Variants in COL12A1 observed in about 807,000 individuals in gnomAD.
COL12A1 encodes collagen alpha-1(XII) chain.
COL12A1 carries 114 observed loss-of-function variants against 349.7 expected under a neutral mutation model. That is an observed-to-expected ratio of 0.33 (90% CI 0.28 to 0.38). The LOEUF (loss-of-function observed/expected upper bound fraction) is 0.38. COL12A1 is among the 10% of genes least tolerant of loss of function. The pLI, the probability that COL12A1 is intolerant of heterozygous loss-of-function variation, is 1.00. For missense variants in COL12A1, 3,284 were observed against 3,756.9 expected (o/e 0.87, Z 3.29); for synonymous variants, 1,369 against 1,329.0 (o/e 1.03, Z -0.66).
At chr6:75,154,203 T>C (rs986391945) in intron 17 of COL12A1, among the ~76,000 whole-genome samples, 7 of 151,898 alleles carry the variant, frequency 4.6e-5, no homozygotes, top group African/African-American at 1.7e-4. Flanking sequence ...TATGAAATAA[T>C]GCAATGCTGA....
intron 13 of COL12A1, among the ~76,000 whole-genome samples, chr6:75,174,285 C>T (rs534491024): frequency 5.3e-5 from 8 of 152,110 alleles, no homozygotes; most frequent in Non-Finnish European, 8.8e-5. Context: ...TGGCCAGGCG[C>T]GGTGGCTCAG....
chr6:75,159,436 T>C (rs535673586), intron 14 of COL12A1, among the ~76,000 whole-genome samples: 5 of 147,338 alleles, frequency 3.4e-5, no homozygotes, highest in African/African-American at 1.2e-4. Flanking sequence ...TATATTATTA[T>C]ATAAAAATAT....
Position 75,202,763 on chromosome 6 carries a change from G to C in COL12A1, c.30C>G (p.Ala10=). MRSRLPPAL[A]ALGAALLLSS... is the part of the protein sequence containing the mutation. ...ACAGGAGCAGGGCCGCGCCCAGGGC[G>C]GCAAGCGCTGGGGGAAGCCTACTCC... Residue 10 remains alanine (A), a synonymous_variant, in exon 2 of 66, where the codon GCC becomes GCG. Coordinates refer to ENST00000322507, the MANE Select transcript of COL12A1 (RefSeq NM_004370.6). 6.4e-7 allele frequency: 1 copy of C among 1,551,874 alleles called. No homozygotes were observed. The highest frequency in any genetic ancestry group is 8.7e-7 in the Non-Finnish European group (1 of 1,147,030).
intron 54 of COL12A1, 34 bp downstream of exon 54, chr6:75,105,172 G>A (rs1490576885): frequency 6.4e-7 from 1 of 1,562,542 alleles, no homozygotes; most frequent in African/African-American, 1.4e-5. Context: ...AGATTTCAAA[G>A]GAAAAACCAG....
At chr6:75,149,504 G>A (rs1767373081) in intron 21 of COL12A1, among the ~76,000 whole-genome samples, 1 of 152,072 alleles carries the variant, frequency 6.6e-6, no homozygotes, top group African/African-American at 2.4e-5. Flanking sequence ...TGTGCTCCCT[G>A]TGGGTGGATA....
At chr6:75,118,779 T>G (rs1769208407) in intron 46 of COL12A1, among the ~76,000 whole-genome samples, 1 of 152,266 alleles carries the variant, frequency 6.6e-6, no homozygotes, top group Non-Finnish European at 1.5e-5. Flanking sequence ...CATTGCTTTC[T>G]GTAGCCTTCC....
chr6:75,188,489 T>G lies in COL12A1; in HGVS notation c.870A>C (p.Thr290=). 1 of 1,613,460 alleles carries G rather than the reference T, an allele frequency of 6.2e-7. No homozygotes were observed. Among genetic ancestry groups the G allele is most frequent in the Non-Finnish European group, 8.5e-7 (1 of 1,179,622 alleles). Residue 290 remains threonine (T), a synonymous_variant, in exon 8 of 66, where the codon ACA becomes ACC. Transcript: ENST00000322507. The part of the protein sequence containing the change: ...DAKELKQIAS[T]PSLNHVFNVA... ...CATTGAAAACATGGTTCAGTGAAGGTGTGGAGGCAATTTGTTTGAGTTCTT... is the reference window on the plus strand; with the variant it reads ...CATTGAAAACATGGTTCAGTGAAGGGGTGGAGGCAATTTGTTTGAGTTCTT...
intron 54 of COL12A1, among the ~76,000 whole-genome samples, chr6:75,104,864 A>T (rs1768470992): frequency 6.6e-6 from 1 of 152,212 alleles, no homozygotes; most frequent in Non-Finnish European, 1.5e-5. Flanking sequence ...GCTTTATACC[A>T]AACATATAAG....
intron 13 of COL12A1, among the ~76,000 whole-genome samples, chr6:75,167,066 G>A (rs985608207): frequency 6.6e-6 from 1 of 152,090 alleles, no homozygotes; most frequent in Admixed American, 6.5e-5. Flanking sequence ...ATTTTTAAGA[G>A]CACATTGAAT....
Position 75,175,052 on chromosome 6 carries a change from C to T in COL12A1, c.2696G>A (p.Gly899Glu), listed in dbSNP as rs201382636. The change falls in exon 13 of 66, where the codon GGA becomes GAA. Residue 899 changes from glycine to glutamate, a missense_variant. Around this residue, in one of 2 missense-constraint regions of COL12A1, gnomAD observed 2,601 missense variants for 2,824.8 expected, o/e 0.92. Transcript: ENST00000322507. ...SGAGDALFGEGTTLEERGSPQ... is the reference protein window; with the variant it reads ...SGAGDALFGEETTLEERGSPQ... ...ATGGTAATTACCTTCAAGTGTTGTTCCTTCACCAAAGAGGGCGTCTCCAGC... is the reference window on the plus strand; with the variant it reads ...ATGGTAATTACCTTCAAGTGTTGTTTCTTCACCAAAGAGGGCGTCTCCAGC... 7.2e-5 allele frequency: 117 copies of T among 1,614,032 alleles called. No individual in the cohort carries two copies. Among genetic ancestry groups the T allele is most frequent in the Middle Eastern group, 3.3e-4 (2 of 6,062 alleles).
chr6:75,099,783 G>A (rs563147468), intron 58 of COL12A1, among the ~76,000 whole-genome samples: 1 of 152,252 alleles, frequency 6.6e-6, no homozygotes, highest in South Asian at 2.1e-4. Context: ...CACCAGCACT[G>A]TGCCTCATTT....
In COL12A1 at chr6:75,087,674, A is replaced by G. The variant is rs1448973629; in HGVS notation, c.9084T>C (p.Arg3028=). ...GSRGPPGPPG[R]PGNSGIRGPP... is the part of the protein sequence containing the mutation. ...GTCCTCGGATACCTGAGTTTCCAGG[A>G]CGGCCAGGGGGGCCAGGGGGACCTC... Residue 3028 remains arginine (R), a synonymous_variant, in exon 65 of 66, where the codon CGT becomes CGC. Coordinates refer to ENST00000322507, the MANE Select transcript of COL12A1 (RefSeq NM_004370.6). 2.5e-6 allele frequency: 4 copies of G among 1,610,646 alleles called. No individual in the cohort carries two copies. The highest frequency in any genetic ancestry group is 3.4e-6 in the Non-Finnish European group (4 of 1,178,928).
chr6:75,087,964 A>T (rs1173901967), intron 64 of COL12A1, among the ~76,000 whole-genome samples: 1 of 152,220 alleles, frequency 6.6e-6, no homozygotes, highest in Non-Finnish European at 1.5e-5. Flanking sequence ...GAAGTATTTT[A>T]TTCCAGAAAA....
intron 31 of COL12A1, among the ~76,000 whole-genome samples, chr6:75,135,101 C>T (rs545232294): frequency 1.1e-4 from 17 of 151,564 alleles, no homozygotes; most frequent in African/African-American, 2.2e-4. Flanking sequence ...ACTTGCTAGC[C>T]GCCAGCACTG....
intron 4 of COL12A1, 47 bp downstream of exon 4, chr6:75,192,165 T>A: frequency 7.2e-7 from 1 of 1,389,990 alleles, no homozygotes; most frequent in Non-Finnish European, 9.5e-7. Context: ...AAAAACCTTC[T>A]GCAAAATAAA....
At chr6:75,148,580 A>G in intron 21 of COL12A1, 83 bp from the exon 22 acceptor site, 1 of 1,200,988 alleles carries the variant, frequency 8.3e-7, no homozygotes, top group Non-Finnish European at 1.2e-6. Flanking sequence ...AAACAATATT[A>G]TGCTCCATAT....
rs1768493413 is a variant in COL12A1, at chr6:75,105,262, T to G, written c.8209A>C (p.Asn2737His). 6.2e-7 allele frequency: 1 copy of G among 1,613,720 alleles called. No individual in the cohort carries two copies. Among genetic ancestry groups the G allele is most frequent in the Non-Finnish European group, 8.5e-7 (1 of 1,179,852 alleles). ...RDEGKCPAFP[N>H]SCTCTQDSVG... Reference sequence around the variant, plus strand: ...CTGTCCTGTGTACATGTGCAAGAATTTGGAAAAGCAGGGCATTTTCCCTCA... The same window carrying G: ...CTGTCCTGTGTACATGTGCAAGAATGTGGAAAAGCAGGGCATTTTCCCTCA... The change falls in exon 54 of 66, where the codon AAT becomes CAT. Residue 2737 changes from asparagine (N) to histidine (H), a missense_variant. This residue lies in a region of COL12A1 where 683 missense variants were observed against 932.1 expected (regional missense o/e 0.73). Coordinates refer to ENST00000322507, the MANE Select transcript of COL12A1 (RefSeq NM_004370.6).
chr6:75,091,740 A>G (rs1033032516), intron 60 of COL12A1, among the ~76,000 whole-genome samples: 1 of 152,168 alleles, frequency 6.6e-6, no homozygotes, highest in Non-Finnish European at 1.5e-5. Flanking sequence ...TCTCTGAAGC[A>G]CATGTCCTCC....
At chr6:75,113,799 G>C (rs1279160494) in intron 49 of COL12A1, 55 bp from the exon 50 acceptor site, 3 of 1,357,342 alleles carry the variant, frequency 2.2e-6, no homozygotes, top group Non-Finnish European at 3.0e-6. Context: ...AAGAAAGGAA[G>C]AAAGAAAGAT....
Sources: gnomAD v4.1 joint callset for allele counts (sites outside exome capture counted in the v4.1 genomes callset) on GRCh38, gnomAD v4.1.1 for gene constraint, gnomAD v4.1.1 regional missense constraint, MANE v1.5 for transcripts, NCBI Gene and HGNC (gene_info 2026-07-23, HGNC 2026-07-21) for gene names.